ZMAT4: variants seen among roughly 807,000 people sequenced by gnomAD.
ZMAT4 encodes the protein zinc finger matrin-type protein 4.
In ZMAT4, 17 loss-of-function variants were observed where a neutral mutation model predicts 28.7. The ratio of observed to expected loss-of-function variants is 0.59; its 90% CI spans 0.41 to 0.89. The LOEUF (loss-of-function observed/expected upper bound fraction) is 0.89, where lower values mean the gene tolerates loss of function less well. Ranked by LOEUF, ZMAT4 falls within the 40% of genes least tolerant of loss-of-function variation. The pLI is 0.00. For synonymous variants in ZMAT4, 117 were observed against 109.2 expected (o/e 1.07, Z -0.44); for missense variants, 240 against 283.8 (o/e 0.85, Z 1.11).
intron 2 of ZMAT4, among the ~76,000 whole-genome samples, chr8:40,769,388 A>G (rs573829383): frequency 2.0e-5 from 3 of 152,188 alleles, no homozygotes; most frequent in Non-Finnish European, 4.4e-5. Context: ...ATGCAGGCTT[A>G]TATTTTTCTC....
intron 1 of ZMAT4, among the ~76,000 whole-genome samples, chr8:40,874,275 C>A (rs1817963974): frequency 6.6e-6 from 1 of 152,228 alleles, no homozygotes; most frequent in African/African-American, 2.4e-5. Flanking sequence ...CCACACCCGT[C>A]ACGTCCAGCT....
chr8:40,559,313 A>G (rs1489178650), intron 6 of ZMAT4, among the ~76,000 whole-genome samples: 1 of 152,152 alleles, frequency 6.6e-6, no homozygotes. Flanking sequence ...GGGCCTAATT[A>G]TAATACTTAA....
At chr8:40,693,000 C>A (rs993990038) in intron 4 of ZMAT4, among the ~76,000 whole-genome samples, 5 of 152,092 alleles carry the variant, frequency 3.3e-5, no homozygotes, top group African/African-American at 1.2e-4. Flanking sequence ...ATTTATGTCC[C>A]CCTAGAAGCT....
chr8:40,600,062 G>C (rs1322891368), intron 5 of ZMAT4, among the ~76,000 whole-genome samples: 1 of 152,214 alleles, frequency 6.6e-6, no homozygotes, highest in Admixed American at 6.5e-5. Flanking sequence ...GTCATCTCAA[G>C]ACAGGCATCT....
At chr8:40,758,629 T>C (rs1338843600) in intron 3 of ZMAT4, among the ~76,000 whole-genome samples, 1 of 152,206 alleles carries the variant, frequency 6.6e-6, no homozygotes, top group Non-Finnish European at 1.5e-5. Flanking sequence ...AAAAAATTAC[T>C]TATTATGAAA....
chr8:40,537,787 A>C (rs1395767635), intron 6 of ZMAT4, among the ~76,000 whole-genome samples: 1 of 152,200 alleles, frequency 6.6e-6, no homozygotes, highest in Non-Finnish European at 1.5e-5. Context: ...ACAGATGAGG[A>C]AACTTGCTAG....
At chr8:40,801,470 C>G (rs1423232357) in intron 2 of ZMAT4, among the ~76,000 whole-genome samples, 1 of 150,658 alleles carries the variant, frequency 6.6e-6, no homozygotes, top group East Asian at 1.9e-4. Context: ...GAGTTCGAGT[C>G]AAGCGTGGCC....
At chr8:40,820,236 ACGTG>A in intron 2 of ZMAT4, among the ~76,000 whole-genome samples, 1 of 126,656 alleles carries the variant, frequency 7.9e-6, no homozygotes, top group Non-Finnish European at 1.7e-5. Context: ...ATGTGTGTGT[ACGTG>A]TGCGCATATA....
At chr8:40,834,902 C>T (rs1816421222) in intron 1 of ZMAT4, among the ~76,000 whole-genome samples, 1 of 152,178 alleles carries the variant, frequency 6.6e-6, no homozygotes, top group Admixed American at 6.5e-5. Context: ...TCTGGCTTTC[C>T]AAAGGTACCC....
intron 3 of ZMAT4, among the ~76,000 whole-genome samples, chr8:40,727,673 A>G (rs1468163303): frequency 6.6e-6 from 1 of 152,222 alleles, no homozygotes; most frequent in Non-Finnish European, 1.5e-5. Flanking sequence ...GTGTCCAATT[A>G]GAGATGAACA....
chr8:40,702,269 C>G (rs1810180863), intron 3 of ZMAT4, among the ~76,000 whole-genome samples: 1 of 152,164 alleles, frequency 6.6e-6, no homozygotes, highest in African/African-American at 2.4e-5. Flanking sequence ...ATTAGAGTAT[C>G]TTGCTGCATC....
intron 2 of ZMAT4, among the ~76,000 whole-genome samples, chr8:40,771,143 G>A (rs1237216575): frequency 1.3e-5 from 2 of 151,578 alleles, no homozygotes; most frequent in African/African-American, 2.4e-5. Context: ...AATTGCGGGG[G>A]GGAAGAAACT....
chr8:40,600,861 T>A (rs530035223), intron 5 of ZMAT4, among the ~76,000 whole-genome samples: 1 of 152,274 alleles, frequency 6.6e-6, no homozygotes, highest in South Asian at 2.1e-4. Context: ...CATCCTACTC[T>A]TAATTAATAG....
At chr8:40,601,469 G>GAAAGAAAGAAAGAAAGAAA (rs1163242121) in intron 5 of ZMAT4, among the ~76,000 whole-genome samples, 170 of 6,946 alleles carry the variant, frequency 0.024, 18 homozygotes, top group East Asian at 0.16. Context: ...AGGAAGAAAG[G>GAAAGAAAGAAAGAAAGAAA]AAAGAAAGAA....
At chr8:40,613,489 T>G (rs1228814128) in intron 5 of ZMAT4, among the ~76,000 whole-genome samples, 1 of 152,110 alleles carries the variant, frequency 6.6e-6, no homozygotes, top group Non-Finnish European at 1.5e-5. Flanking sequence ...CAGCCTCACC[T>G]GCCCATTCAA....
At chr8:40,664,308 C>T (rs1037914972) in intron 5 of ZMAT4, among the ~76,000 whole-genome samples, 4 of 152,190 alleles carry the variant, frequency 2.6e-5, no homozygotes, top group African/African-American at 9.6e-5. Context: ...ACAAAGGCCT[C>T]TCACCAATAA....
intron 1 of ZMAT4, among the ~76,000 whole-genome samples, chr8:40,827,206 C>T (rs146666431): frequency 2.0e-5 from 3 of 152,256 alleles, no homozygotes; most frequent in African/African-American, 4.8e-5. Context: ...TGCTCCATAC[C>T]TCAGTTTCCC....
intron 3 of ZMAT4, among the ~76,000 whole-genome samples, chr8:40,735,217 A>G (rs940351829): frequency 6.6e-6 from 1 of 152,242 alleles, no homozygotes; most frequent in Non-Finnish European, 1.5e-5. Flanking sequence ...ATACATCTGC[A>G]AAGTAAGACA....
chr8:40,589,758 T>TTCTTTCTTTCTTTCTTTC (rs1563353934), intron 5 of ZMAT4, among the ~76,000 whole-genome samples: 2 of 147,778 alleles, frequency 1.4e-5, no homozygotes, highest in South Asian at 4.3e-4. Flanking sequence ...CTTTCTTTCT[T>TTCTTTCTTTCTTTCTTTC]TCTTTTTCTT....
Sources: gnomAD v4.1 joint callset for allele counts (sites outside exome capture counted in the v4.1 genomes callset) on GRCh38, gnomAD v4.1.1 for gene constraint, MANE v1.5 for transcripts, NCBI Gene and HGNC (gene_info 2026-07-23, HGNC 2026-07-21) for gene names.